Variants in PTPRN2 observed in about 807,000 individuals in gnomAD.
PTPRN2 encodes protein tyrosine phosphatase receptor type N2.
A neutral mutation model predicts 118.8 loss-of-function variants in PTPRN2; 74 were observed. The observed-to-expected ratio is 0.62, with a 90% CI of 0.52 to 0.76. PTPRN2 has a LOEUF of 0.76. Ranked by LOEUF, PTPRN2 falls within the 30% of genes least tolerant of loss-of-function variation. PTPRN2 has a pLI of 0.00. For missense variants in PTPRN2, 1,481 were observed against 1,394.4 expected (o/e 1.06, Z -0.99); for synonymous variants, 641 against 608.0 (o/e 1.05, Z -0.80).
At position 158,544,003 on chromosome 7, in the gene PTPRN2, T is replaced by C. The variant is rs148743008; in HGVS notation, c.112+43555A>G. ...GTCCAAAAACCAGGGCAGCCCCAAC[T>C]GGCCGGGAAAGCTCCTCTGGGCTCT... On this transcript the variant is annotated intron_variant, in intron 1 of 22. Transcript: ENST00000389418. The surrounding 1 kb of genome is among the most constrained non-coding windows in gnomAD (Gnocchi z 4.2). Among the ~76,000 whole-genome samples the C allele has an allele frequency of 2.5e-3, 387 of 152,264 alleles. 5 individuals are homozygous for C. The highest frequency in any genetic ancestry group is 8.8e-3 in the African/African-American group (367 of 41,550).
intron 1 of PTPRN2, among the ~76,000 whole-genome samples, chr7:158,533,190 A>T (rs999410192): frequency 2.0e-5 from 3 of 152,202 alleles, no homozygotes; most frequent in Non-Finnish European, 4.4e-5. Flanking sequence ...CCCTGGAGAT[A>T]CTGGGCTGAG....
intron 3 of PTPRN2, among the ~76,000 whole-genome samples, chr7:158,312,162 A>G (rs1801829823): frequency 6.7e-6 from 1 of 149,630 alleles, no homozygotes; most frequent in East Asian, 2.0e-4. Flanking sequence ...ATGCACACAC[A>G]CCTGCACATG....
At chr7:158,283,922 C>T (rs1192347669) in intron 3 of PTPRN2, among the ~76,000 whole-genome samples, 11 of 152,186 alleles carry the variant, frequency 7.2e-5, no homozygotes, top group Non-Finnish European at 8.8e-5. Context: ...AGGCAGCCAG[C>T]GTAGGAGCCT....
At chr7:158,205,041 C>G in intron 4 of PTPRN2, 130 bp downstream of exon 4, 2 of 779,032 alleles carry the variant, frequency 2.6e-6, no homozygotes, top group East Asian at 2.7e-5. Context: ...TCCTAACTTT[C>G]TGAAACGTCT....
intron 12 of PTPRN2, among the ~76,000 whole-genome samples, chr7:157,752,158 T>G (rs1801509407): frequency 2.0e-5 from 3 of 152,312 alleles, no homozygotes. Flanking sequence ...GCCTGCTGTG[T>G]CTGCAGCTCT....
At chr7:158,362,228 G>T (rs1586461169) in intron 2 of PTPRN2, among the ~76,000 whole-genome samples, 1 of 152,220 alleles carries the variant, frequency 6.6e-6, no homozygotes, top group African/African-American at 2.4e-5. Flanking sequence ...GGAGGCAGAA[G>T]AGGCCGCCCC....
At chr7:158,203,881 A>C (rs1826875270) in intron 4 of PTPRN2, among the ~76,000 whole-genome samples, 1 of 152,248 alleles carries the variant, frequency 6.6e-6, no homozygotes, top group Non-Finnish European at 1.5e-5. Flanking sequence ...ATTCTCTTTG[A>C]TAAAGGAGGT....
At chr7:157,553,478 C>T (rs562141440) in intron 21 of PTPRN2, among the ~76,000 whole-genome samples, 4 of 152,260 alleles carry the variant, frequency 2.6e-5, no homozygotes, top group African/African-American at 7.2e-5. Flanking sequence ...AGAGTGGCGT[C>T]GTCGTCCTCA....
chr7:157,558,311 C>T lies in PTPRN2; in HGVS notation c.2903-9292G>A, dbSNP rs536790881. The stretch of plus-strand genomic sequence containing the variant: ...AGGTTTGGGAGCAGCACGAGAGCCC[C>T]AAGGCAGGGGACTGCTGAGGTACAT... On this transcript the variant is annotated intron_variant, in intron 21 of 22. Transcript: ENST00000389418. Among the ~76,000 whole-genome samples, 3 of 152,240 alleles carry T rather than the reference C, an allele frequency of 2.0e-5. No individual in the cohort carries two copies. In the East Asian group the frequency reaches 5.8e-4, roughly 29 times the overall value.
chr7:158,151,682 CCTT>C (rs1450980316), intron 6 of PTPRN2, among the ~76,000 whole-genome samples: 3 of 152,074 alleles, frequency 2.0e-5, no homozygotes, highest in Admixed American at 6.6e-5. Flanking sequence ...GTTTCCTTTC[CCTT>C]CTTTCTTCCT....
chr7:158,284,042 T>C lies in PTPRN2; in HGVS notation c.277+32777A>G, dbSNP rs73176146. Among the ~76,000 whole-genome samples, 1,155 of 152,302 alleles carry C rather than the reference T, an allele frequency of 7.6e-3. 11 individuals are homozygous for C. The highest frequency in any genetic ancestry group is 0.041 in the Middle Eastern group (12 of 294). ...GTTTAAGAACGCCTGAAAGACATGT[T>C]CATAGCTATATTCGATGTCGTTGGA... On this transcript the variant is annotated intron_variant, in intron 3 of 22. Transcript: ENST00000389418.
intron 15 of PTPRN2, among the ~76,000 whole-genome samples, chr7:157,621,013 C>T (rs551152700): frequency 6.7e-6 from 1 of 149,878 alleles, no homozygotes; most frequent in African/African-American, 2.5e-5. Flanking sequence ...ACCCAGGCCT[C>T]CTGCCCCCGG....
intron 7 of PTPRN2, among the ~76,000 whole-genome samples, chr7:158,137,750 T>C (rs1226714460): frequency 2.0e-5 from 3 of 152,192 alleles, no homozygotes; most frequent in East Asian, 1.9e-4. Context: ...GGGGCTGCCA[T>C]GTGTGGGGAG....
At chr7:158,268,017 G>C (rs879618202) in intron 3 of PTPRN2, among the ~76,000 whole-genome samples, 2 of 152,186 alleles carry the variant, frequency 1.3e-5, no homozygotes, top group Non-Finnish European at 2.9e-5. Context: ...CCCAGTGACT[G>C]TATTTGGGTA....
At chr7:158,143,594 C>G (rs1819594710) in intron 6 of PTPRN2, among the ~76,000 whole-genome samples, 1 of 152,202 alleles carries the variant, frequency 6.6e-6, no homozygotes. Context: ...AGGAAAGGTC[C>G]TTCCTGTGGA....
rs1415553909 is a variant in PTPRN2 at position 158,337,073 on chromosome 7, C to G, written c.164-20141G>C. On this transcript the variant is annotated intron_variant, in intron 2 of 22. Transcript: ENST00000389418. Reference sequence around the variant, plus strand: ...CACACTGTCACCATAAGAGCTGACACCCGCAGACGTCACTCACACCCACAC... The same window carrying G: ...CACACTGTCACCATAAGAGCTGACAGCCGCAGACGTCACTCACACCCACAC... 8.2e-5 allele frequency among the ~76,000 whole-genome samples: 12 copies of G among 146,820 alleles called. No homozygotes were observed. The East Asian group carries it at 1.8e-3, about 23-fold the overall frequency.
chr7:157,554,818 AG>A (rs1798799845), intron 21 of PTPRN2, among the ~76,000 whole-genome samples: 1 of 152,376 alleles, frequency 6.6e-6, no homozygotes, highest in East Asian at 1.9e-4. Context: ...TTTCCACCTA[AG>A]AAGCATCATG....
intron 10 of PTPRN2, among the ~76,000 whole-genome samples, chr7:158,085,312 C>T (rs1360710727): frequency 7.9e-5 from 10 of 126,902 alleles, no homozygotes; most frequent in Non-Finnish European, 9.7e-5. Flanking sequence ...TCCACACCCA[C>T]GACGCCCATT....
At chr7:158,134,741 G>A (rs190113851) in intron 8 of PTPRN2, among the ~76,000 whole-genome samples, 49 of 152,216 alleles carry the variant, frequency 3.2e-4, no homozygotes, top group Admixed American at 2.1e-3. Flanking sequence ...GCCATCCCTC[G>A]GAACCCCCTG....
Sources: allele counts gnomAD v4.1 joint callset (sites outside exome capture counted in the v4.1 genomes callset), GRCh38; gene constraint gnomAD v4.1.1; non-coding constraint Gnocchi (gnomAD v3.1); transcripts MANE v1.5; gene names NCBI Gene and HGNC (gene_info 2026-07-23, HGNC 2026-07-21).